Variants in SLC26A5 observed in about 807,000 individuals in gnomAD.
SLC26A5 encodes the protein solute carrier family 26 member 5.
SLC26A5 carries 51 observed loss-of-function variants against 81.0 expected under a neutral mutation model. The observed-to-expected ratio is 0.63, with a 90% CI of 0.50 to 0.80. The LOEUF is 0.80. SLC26A5 is among the 30% of genes least tolerant of loss of function. The pLI is 0.00. For missense variants in SLC26A5, 771 were observed against 905.8 expected, an observed-to-expected ratio of 0.85 and a Z score of 1.91; for synonymous variants, 325 against 332.8, an observed-to-expected ratio of 0.98 and a Z score of 0.25.
chr7:103,355,665 A>C (rs1819991579), intron 19 of SLC26A5: 3 of 1,533,022 alleles, frequency 2.0e-6, no homozygotes, highest in Admixed American at 1.7e-5. Flanking sequence ...ATTACATTTT[A>C]GTAAATTTTG....
At chr7:103,402,307 G>C (rs1823662017) in intron 8 of SLC26A5, among the ~76,000 whole-genome samples, 1 of 151,886 alleles carries the variant, frequency 6.6e-6, no homozygotes, top group Non-Finnish European at 1.5e-5. Flanking sequence ...ATGTGTCCAG[G>C]AATTTATCCA....
intron 7 of SLC26A5, 86 bp from the exon 8 acceptor site, chr7:103,408,089 G>C: frequency 1.3e-6 from 2 of 1,541,252 alleles, no homozygotes; most frequent in Non-Finnish European, 1.8e-6. Context: ...ATTCACACCA[G>C]CCATTCCGTT....
intron 7 of SLC26A5, among the ~76,000 whole-genome samples, chr7:103,409,468 C>T (rs2116635070): frequency 6.6e-6 from 1 of 152,182 alleles, no homozygotes; most frequent in South Asian, 2.1e-4. Context: ...AGTTTTAAAG[C>T]TATGTTTAGT....
intron 14 of SLC26A5, among the ~76,000 whole-genome samples, chr7:103,381,917 C>T (rs773592762): frequency 7.1e-6 from 1 of 141,106 alleles, no homozygotes; most frequent in African/African-American, 2.5e-5. Context: ...ACATCACATA[C>T]ACCTCACACT....
intron 19 of SLC26A5, among the ~76,000 whole-genome samples, chr7:103,361,134 A>G (rs1006511651): frequency 6.7e-6 from 1 of 149,022 alleles, no homozygotes; most frequent in Non-Finnish European, 1.5e-5. Context: ...AAAAGAAAAA[A>G]AAACAAGCTT....
chr7:103,417,167 C>G (rs534157237), intron 4 of SLC26A5, among the ~76,000 whole-genome samples: 1 of 151,920 alleles, frequency 6.6e-6, no homozygotes, highest in Non-Finnish European at 1.5e-5. Context: ...GTCAAGAGAT[C>G]GAGACCATCC....
At chr7:103,419,491 A>G (rs1825169569) in intron 4 of SLC26A5, among the ~76,000 whole-genome samples, 1 of 150,316 alleles carries the variant, frequency 6.7e-6, no homozygotes, top group Admixed American at 6.6e-5. Flanking sequence ...ATTTTCTCTC[A>G]TTCTTGACCT....
At chr7:103,401,419 C>T (rs376352942) in intron 8 of SLC26A5, among the ~76,000 whole-genome samples, 121 of 152,096 alleles carry the variant, frequency 8.0e-4, no homozygotes, top group Admixed American at 6.0e-3. Flanking sequence ...TTTTGTATCC[C>T]GATACTTTGC....
intron 2 of SLC26A5, among the ~76,000 whole-genome samples, chr7:103,439,630 T>G (rs980455483): frequency 6.6e-6 from 1 of 152,064 alleles, no homozygotes; most frequent in African/African-American, 2.4e-5. Context: ...GCTTCCCAGG[T>G]TCAAGTGATT....
chr7:103,381,283 A>G (rs1821761920), intron 14 of SLC26A5, among the ~76,000 whole-genome samples: 1 of 151,718 alleles, frequency 6.6e-6, no homozygotes, highest in Non-Finnish European at 1.5e-5. Context: ...TACCACACAC[A>G]CATACACAAT....
chr7:103,392,799 A>C (rs1300362253), intron 10 of SLC26A5, 120 bp downstream of exon 10: 8 of 1,246,958 alleles, frequency 6.4e-6, no homozygotes, highest in Non-Finnish European at 3.5e-6. Flanking sequence ...GGATGGTCTC[A>C]ATCTCCTGAC....
intron 8 of SLC26A5, among the ~76,000 whole-genome samples, chr7:103,402,251 C>T (rs969393117): frequency 2.0e-5 from 3 of 152,038 alleles, no homozygotes; most frequent in Non-Finnish European, 4.4e-5. Flanking sequence ...TGTTATTGGT[C>T]TATTCAGGGA....
intron 4 of SLC26A5, among the ~76,000 whole-genome samples, chr7:103,418,171 T>C (rs550255338): frequency 1.3e-5 from 2 of 152,332 alleles, no homozygotes; most frequent in East Asian, 1.9e-4. Context: ...CTTAAAGTTG[T>C]TGTTGACACA....
intron 19 of SLC26A5, among the ~76,000 whole-genome samples, chr7:103,356,985 T>C (rs550271925): frequency 6.6e-6 from 1 of 152,176 alleles, no homozygotes; most frequent in East Asian, 1.9e-4. Flanking sequence ...CTTTTCTCAC[T>C]TTTATTTATT....
At chr7:103,353,362 G>A (rs1279774687) in intron 19 of SLC26A5, among the ~76,000 whole-genome samples, 2 of 151,922 alleles carry the variant, frequency 1.3e-5, no homozygotes, top group Non-Finnish European at 2.9e-5. Flanking sequence ...GCTGGAGTGC[G>A]GTGATGTGAT....
Position 103,389,412 on chromosome 7 carries a change from C to T in SLC26A5, c.1324G>A (p.Ala442Thr), listed in dbSNP as rs137932625. The T allele has an allele frequency of 1.1e-5, 17 of 1,613,614 alleles. No individual in the cohort carries two copies. The African/African-American group carries it at 2.0e-4, about 19-fold the overall frequency. ...CCCTTCAGGTTGACAATCACAATGG[C>T]CGACAGCACAGCCTGAAACAGAGCA... ...FESLPQAVLS[A>T]IVIVNLKGMF... The change falls in exon 13 of 20, where the codon GCC (alanine) becomes ACC (threonine). Residue 442 changes from alanine to threonine, a missense_variant. Transcript: ENST00000306312.
rs577823501 is a variant in SLC26A5 at position 103,422,649 on chromosome 7, T to TA, written c.-53-1083dup. Among the ~76,000 whole-genome samples the TA allele has an allele frequency of 1.2e-4, 19 of 152,074 alleles. No homozygotes were observed. In the East Asian group the frequency reaches 1.4e-3, roughly 11 times the overall value. On this transcript the variant is annotated intron_variant, in intron 2 of 19. Transcript: ENST00000306312. ...ACTGTATCTGCAATGTTTTAGTTTG[T>TA]AAAAAAAAGAACTGGCACAAAGACA...
At position 103,428,477 on chromosome 7, in the gene SLC26A5, A is replaced by G. The variant is rs186172277; in HGVS notation, c.-53-6910T>C. Among the ~76,000 whole-genome samples the G allele has an allele frequency of 2.0e-3, 310 of 152,136 alleles. 2 individuals are homozygous for G. Among genetic ancestry groups the G allele is most frequent in the African/African-American group, 7.3e-3 (303 of 41,508 alleles). On this transcript the variant is annotated intron_variant, in intron 2 of 19. Coordinates refer to ENST00000306312, the MANE Select transcript of SLC26A5 (RefSeq NM_198999.3). ...TTGGAGGAATCTATGCCATAAATAT[A>G]TCCATCACCTCCAAAAGTTTGCTTT...
chr7:103,393,102 C>T, intron 9 of SLC26A5, 36 bp from the exon 10 acceptor site: 1 of 1,612,888 alleles, frequency 6.2e-7, no homozygotes, highest in Non-Finnish European at 8.5e-7. Flanking sequence ...TGTGTTGTGA[C>T]CACAAGGGAA....
Sources: allele counts gnomAD v4.1 joint callset (sites outside exome capture counted in the v4.1 genomes callset), GRCh38; gene constraint gnomAD v4.1.1; transcripts MANE v1.5; gene names NCBI Gene and HGNC (gene_info 2026-07-23, HGNC 2026-07-21).